The following FOCAD variants were observed in gnomAD, a reference collection of about 807,000 sequenced individuals.
FOCAD encodes KIAA1797.
FOCAD carries 198 observed loss-of-function variants against 225.6 expected under a neutral mutation model. The ratio of observed to expected loss-of-function variants is 0.88; its 90% CI spans 0.78 to 0.99. The LOEUF is 0.99. Among genes scored for constraint, FOCAD ranks in the 50% least tolerant of loss-of-function variants. FOCAD has a pLI of 0.00. For missense variants in FOCAD, 2,713 were observed against 2,123.6 expected (o/e 1.28, Z -5.46); for synonymous variants, 897 against 755.0 (o/e 1.19, Z -3.08).
At position 20,819,863 on chromosome 9, in the gene FOCAD, A is replaced by G; in HGVS notation, c.1523A>G (p.Asp508Gly). ...GRPLEPILYNDILYTLPKLGV... is the reference protein window; with the variant it reads ...GRPLEPILYNGILYTLPKLGV... The stretch of plus-strand genomic sequence containing the variant: ...CCACTGGAACCTATATTATATAATG[A>G]TATATTGTATACTTTACCTAAGCTT... The change falls in exon 12 of 44, where the codon GAT becomes GGT. Residue 508 changes from aspartate to glycine, a missense_variant. Asp to Gly is a moderately conservative substitution (Grantham distance 94, BLOSUM62 -1). Coordinates refer to ENST00000338382, the MANE Select transcript of FOCAD (RefSeq NM_001375567.1). The G allele has an allele frequency of 6.5e-7, 1 of 1,548,880 alleles. No homozygotes were observed.
At chr9:20,810,469 C>G (rs528374712) in intron 11 of FOCAD, among the ~76,000 whole-genome samples, 1 of 152,146 alleles carries the variant, frequency 6.6e-6, no homozygotes, top group South Asian at 2.1e-4. Context: ...TTTGACTAGT[C>G]AGACTGCCAA....
upstream of FOCAD, among the ~76,000 whole-genome samples, chr9:20,681,229 C>A (rs562334378): frequency 7.2e-5 from 11 of 152,174 alleles, no homozygotes; most frequent in East Asian, 2.1e-3. Flanking sequence ...ACAAGTATAA[C>A]CTATTATCAT....
At chr9:20,990,508 A>C in intron 42 of FOCAD, 134 bp downstream of exon 42, 80 of 1,081,494 alleles carry the variant, frequency 7.4e-5, no homozygotes, top group Non-Finnish European at 9.6e-5. Flanking sequence ...CCCATATCTC[A>C]GCCAGATGCA....
chr9:20,776,205 A>G (rs1205300769), intron 8 of FOCAD, among the ~76,000 whole-genome samples: 1 of 152,228 alleles, frequency 6.6e-6, no homozygotes, highest in Non-Finnish European at 1.5e-5. Flanking sequence ...GCATTTATCT[A>G]TGGGGTATTG....
At chr9:20,693,112 T>C (rs949275145) in intron 1 of FOCAD, among the ~76,000 whole-genome samples, 2 of 152,208 alleles carry the variant, frequency 1.3e-5, no homozygotes, top group African/African-American at 4.8e-5. Context: ...GATTGTCCTG[T>C]GAGGCTTGCC....
At position 20,748,543 on chromosome 9, in the gene FOCAD, T is replaced by C. The variant is rs187220711; in HGVS notation, c.392+8203T>C. Among the ~76,000 whole-genome samples, 15 of 152,204 alleles carry C rather than the reference T, an allele frequency of 9.9e-5. 1 individual carries two copies. The East Asian group carries it at 2.3e-3, about 24-fold the overall frequency. On this transcript the variant is annotated intron_variant, in intron 5 of 43. Transcript: ENST00000338382. ...TTCAGAGGGCTTGTAGAAATCATTA[T>C]AGAAAAATCAGAGAAAGAAGATGGG...
chr9:20,743,531 G>C (rs1827797541), intron 5 of FOCAD, among the ~76,000 whole-genome samples: 1 of 152,130 alleles, frequency 6.6e-6, no homozygotes, highest in Non-Finnish European at 1.5e-5. Flanking sequence ...AGAATGTTAG[G>C]CGGTGGTTTC....
chr9:20,948,300 C>A lies in FOCAD; in HGVS notation c.3705C>A (p.Asn1235Lys). The A allele has an allele frequency of 6.2e-7, 1 of 1,609,864 alleles. No homozygotes were observed. The part of the protein sequence containing the change: ...QTSGFALALG[N>K]IVHGLSVCGH... ...CAGGTTTTGCCCTGGCTTTAGGAAA[C>A]ATAGTTCATGGATTGTCTGTGTGTG... Residue 1235 changes from asparagine to lysine, a missense_variant, in exon 31 of 44, where the codon AAC becomes AAA. Coordinates refer to ENST00000338382, the MANE Select transcript of FOCAD (RefSeq NM_001375567.1).
chr9:20,793,509 T>G (rs551369817), intron 11 of FOCAD, among the ~76,000 whole-genome samples: 1 of 152,332 alleles, frequency 6.6e-6, no homozygotes, highest in Admixed American at 6.5e-5. Flanking sequence ...TAGAAATTAC[T>G]GATGGTTCTC....
At chr9:20,891,155 A>G (rs1452622828) in intron 21 of FOCAD, among the ~76,000 whole-genome samples, 4 of 152,200 alleles carry the variant, frequency 2.6e-5, no homozygotes, top group Non-Finnish European at 5.9e-5. Flanking sequence ...CTGTGCCCAC[A>G]TAGCACCATG....
chr9:20,716,877 C>T (rs1330767404), intron 2 of FOCAD, among the ~76,000 whole-genome samples: 1 of 152,100 alleles, frequency 6.6e-6, no homozygotes. Flanking sequence ...AACCAAAATT[C>T]CGACTTATAA....
At chr9:20,684,172 C>T (rs991975458), upstream of FOCAD, 3 of 152,216 alleles carry the variant, frequency 2.0e-5, no homozygotes, top group Non-Finnish European at 2.9e-5. Context: ...GGAGGCGGAA[C>T]AGGGCCTCGC....
At chr9:20,880,955 A>G (rs1292076216) in intron 19 of FOCAD, among the ~76,000 whole-genome samples, 1 of 152,164 alleles carries the variant, frequency 6.6e-6, no homozygotes, top group Non-Finnish European at 1.5e-5. Context: ...AGTCTTATCA[A>G]ATATTTTGTT....
At chr9:20,913,145 T>TACACAC (rs56856864) in intron 23 of FOCAD, among the ~76,000 whole-genome samples, 191 bp downstream of exon 23, 3,851 of 137,192 alleles carry the variant, frequency 0.028, 78 homozygotes, top group East Asian at 0.064. Context: ...AAATTATACA[T>TACACAC]ACACACACAC....
intron 19 of FOCAD, 32 bp from the exon 20 acceptor site, chr9:20,881,839 T>G: frequency 6.3e-7 from 1 of 1,596,482 alleles, no homozygotes; most frequent in Non-Finnish European, 8.5e-7. Flanking sequence ...TTGTATTTAC[T>G]CTACTTTTGG....
intron 4 of FOCAD, among the ~76,000 whole-genome samples, chr9:20,737,661 G>A (rs1374790261): frequency 6.6e-6 from 1 of 152,174 alleles, no homozygotes; most frequent in Non-Finnish European, 1.5e-5. Flanking sequence ...GACTCCCTAT[G>A]ATAGGCTTTA....
chr9:20,712,431 G>T (rs1219145566), intron 1 of FOCAD, among the ~76,000 whole-genome samples: 1 of 151,986 alleles, frequency 6.6e-6, no homozygotes, highest in Non-Finnish European at 1.5e-5. Context: ...AGGCCGAGGC[G>T]GGCGGATCAC....
In FOCAD at chr9:20,929,388, G is replaced by A. The variant is rs1252186435; in HGVS notation, c.3109G>A (p.Ala1037Thr). 9.9e-6 allele frequency: 16 copies of A among 1,614,074 alleles called. No individual in the cohort carries two copies. Among genetic ancestry groups the A allele is most frequent in the Non-Finnish European group, 1.2e-5 (14 of 1,179,998 alleles). The stretch of plus-strand genomic sequence containing the variant: ...CTATTCTGGTGAAAACACAGCTAGT[G>A]CCATTGCCCGTTCTGCTGCCGCCAC... Reference protein sequence around the residue: ...KSYSGENTASAIARSAAATAL... With the variant: ...KSYSGENTASTIARSAAATAL... The change falls in exon 27 of 44, where the codon GCC becomes ACC. Residue 1037 changes from alanine to threonine, a missense_variant. Ala to Thr is a moderately conservative substitution (Grantham distance 58, BLOSUM62 0). Coordinates refer to ENST00000338382, the MANE Select transcript of FOCAD (RefSeq NM_001375567.1).
intron 1 of FOCAD, among the ~76,000 whole-genome samples, chr9:20,688,592 A>G (rs1309384807): frequency 1.3e-5 from 2 of 152,214 alleles, no homozygotes; most frequent in Non-Finnish European, 2.9e-5. Flanking sequence ...AGTTAAAACA[A>G]TGTGAGAATG....
Sources: allele counts gnomAD v4.1 joint callset (sites outside exome capture counted in the v4.1 genomes callset), GRCh38; gene constraint gnomAD v4.1.1; transcripts MANE v1.5; gene names NCBI Gene and HGNC (gene_info 2026-07-23, HGNC 2026-07-21).